The following TXNRD2 variants were observed in gnomAD, a reference collection of about 807,000 sequenced individuals.
TXNRD2 encodes thioredoxin reductase 2, mitochondrial.
Under a neutral mutation model 70.8 loss-of-function variants are expected in TXNRD2, and 67 were observed. The observed-to-expected ratio is 0.95, with a 90% CI of 0.78 to 1.16. The LOEUF (loss-of-function observed/expected upper bound fraction) is 1.16, where lower values mean the gene tolerates loss of function less well. Among genes scored for constraint, TXNRD2 ranks in the 50% most tolerant of loss-of-function variants. The pLI is 0.00. For synonymous variants in TXNRD2, 301 were observed against 295.8 expected (o/e 1.02, Z -0.18); for missense variants, 644 against 719.9 (o/e 0.89, Z 1.21).
At chr22:19,886,014 C>T (rs1439441033) in intron 11 of TXNRD2, among the ~76,000 whole-genome samples, 1 of 152,274 alleles carries the variant, frequency 6.6e-6, no homozygotes, top group Admixed American at 6.5e-5. Flanking sequence ...AATGGAGCCA[C>T]TAATGTGAAA....
At chr22:19,926,913 G>A (rs1211374882) in intron 2 of TXNRD2, among the ~76,000 whole-genome samples, 1 of 152,178 alleles carries the variant, frequency 6.6e-6, no homozygotes, top group Non-Finnish European at 1.5e-5. Context: ...ATGGGTACAG[G>A]GTATTTTGGG....
At chr22:19,909,919 T>TCA (rs140145073) in intron 8 of TXNRD2, among the ~76,000 whole-genome samples, 1 of 60,066 alleles carries the variant, frequency 1.7e-5, no homozygotes, top group Non-Finnish European at 3.3e-5. Context: ...CCCACACCCT[T>TCA]CACACACACA....
At chr22:19,937,820 A>G (rs1941582174) in intron 1 of TXNRD2, among the ~76,000 whole-genome samples, 1 of 152,248 alleles carries the variant, frequency 6.6e-6, no homozygotes, top group African/African-American at 2.4e-5. Flanking sequence ...CTTGCCACTC[A>G]GTCTGATATA....
chr22:19,932,382 C>A (rs762815536), intron 1 of TXNRD2: 1 of 1,612,660 alleles, frequency 6.2e-7, no homozygotes, highest in East Asian at 2.2e-5. Flanking sequence ...TGGCTCACTG[C>A]ACATAGTGCC....
chr22:19,889,428 C>T (rs1939170339), intron 11 of TXNRD2, among the ~76,000 whole-genome samples: 1 of 152,014 alleles, frequency 6.6e-6, no homozygotes, highest in East Asian at 1.9e-4. Flanking sequence ...CTGGCTAACA[C>T]AGTGAAACCC....
chr22:19,900,749 C>CAAAA (rs35153715), intron 8 of TXNRD2, among the ~76,000 whole-genome samples: 1 of 141,526 alleles, frequency 7.1e-6, no homozygotes. Context: ...GACTCCATCA[C>CAAAA]AAAAAAAAAA....
At chr22:19,880,502 C>CACACGCATGCCCACATCTACATGCAG in intron 13 of TXNRD2, 120 bp downstream of exon 13, 1 of 958,426 alleles carries the variant, frequency 1.0e-6, no homozygotes, top group Non-Finnish European at 1.7e-6. Context: ...TAAGCGCACA[C>CACACGCATGCCCACATCTACATGCAG]ACACGCATGC....
chr22:19,940,234 GACACTGT>G (rs1247889496), intron 1 of TXNRD2, among the ~76,000 whole-genome samples: 2 of 93,122 alleles, frequency 2.1e-5, no homozygotes, highest in Non-Finnish European at 3.7e-5. Flanking sequence ...GACAGAGCAA[GACACTGT>G]CTCAAAAAAA....
chr22:19,932,021 C>T (rs1205952037), intron 1 of TXNRD2, among the ~76,000 whole-genome samples: 1 of 151,740 alleles, frequency 6.6e-6, no homozygotes, highest in East Asian at 1.9e-4. Context: ...ATTAGCCGGG[C>T]ATGGTGGTGG....
intron 1 of TXNRD2, among the ~76,000 whole-genome samples, chr22:19,935,569 C>T (rs1941509234): frequency 6.6e-6 from 1 of 152,140 alleles, no homozygotes; most frequent in South Asian, 2.1e-4. Flanking sequence ...ATTGGCACAA[C>T]CCCTCCCCTT....
chr22:19,887,795 G>A (rs1939097206), intron 11 of TXNRD2: 1 of 152,322 alleles, frequency 6.6e-6, no homozygotes, highest in Non-Finnish European at 1.5e-5. Flanking sequence ...CCTGAAGGCA[G>A]GCCATGCCCA....
At chr22:19,882,901 G>A (rs1020829383) in intron 12 of TXNRD2, among the ~76,000 whole-genome samples, 13 of 152,234 alleles carry the variant, frequency 8.5e-5, no homozygotes, top group African/African-American at 2.7e-4. Flanking sequence ...ATACTGAGGC[G>A]GGGAGGGCGG....
intron 2 of TXNRD2, among the ~76,000 whole-genome samples, chr22:19,923,239 A>G (rs34004093): frequency 0.16 from 24,527 of 152,008 alleles, 2,354 homozygotes; most frequent in Non-Finnish European, 0.21. Context: ...ATTTAAAACT[A>G]TTTTTTTCCT....
intron 11 of TXNRD2, among the ~76,000 whole-genome samples, chr22:19,885,532 C>A (rs1938990916): frequency 6.6e-6 from 1 of 152,226 alleles, no homozygotes. Context: ...GGTCGGGGAT[C>A]AGCCCAGACA....
chr22:19,930,999 G>C, intron 2 of TXNRD2, 31 bp downstream of exon 2: 1 of 1,609,144 alleles, frequency 6.2e-7, no homozygotes, highest in Non-Finnish European at 8.5e-7. Flanking sequence ...AAAGCTTCGA[G>C]GCCTTGCCAC....
rs532340383 is a variant in TXNRD2, at chr22:19,941,736, G to T, written c.68C>A (p.Ala23Glu). 785 of 1,492,076 alleles carry T rather than the reference G, an allele frequency of 5.3e-4. 14 individuals are homozygous for T. The South Asian group carries it at 9.5e-3, about 18-fold the overall frequency. The allele number at this position is 1,492,076 out of a possible 1,614,324, so 92.4% of individuals were successfully genotyped here. A position where few individuals can be genotyped will look rare whatever the true frequency, so the allele number is the denominator to read the frequency against. Reference sequence around the variant, plus strand: ...CCGCGCCGCGCCCCGCACCCCGCCCGCCACGGCCTGCGTCCGCCACCGGAA... The same window carrying T: ...CCGCGCCGCGCCCCGCACCCCGCCCTCCACGGCCTGCGTCCGCCACCGGAA... ...GRFRWRTQAV[A>E]GGVRGAARGA... The change falls in exon 1 of 18, where the codon GCG becomes GAG. Residue 23 changes from alanine to glutamate, a missense_variant. Physicochemically the swap from Ala to Glu is moderately radical, Grantham distance 107. Around this residue, in one of 3 missense-constraint regions of TXNRD2, gnomAD observed 71 missense variants for 53.6 expected, o/e 1.33. Coordinates refer to ENST00000400521, the MANE Select transcript of TXNRD2 (RefSeq NM_006440.5).
intron 10 of TXNRD2, 82 bp from the exon 11 acceptor site, chr22:19,895,663 T>G (rs1939474557): frequency 6.6e-7 from 1 of 1,525,888 alleles, no homozygotes; most frequent in Middle Eastern, 1.7e-4. Context: ...CTCGAAGGCC[T>G]CAATGAAGGG....
intron 11 of TXNRD2, 149 bp from the exon 12 acceptor site, chr22:19,883,610 G>T: frequency 3.5e-6 from 4 of 1,133,980 alleles, no homozygotes; most frequent in Non-Finnish European, 5.2e-6. Flanking sequence ...GGACGAGGTG[G>T]GCAAATCACC....
intron 7 of TXNRD2, among the ~76,000 whole-genome samples, chr22:19,912,142 G>A (rs1054015176): frequency 1.3e-5 from 2 of 152,172 alleles, no homozygotes; most frequent in Admixed American, 6.5e-5. Flanking sequence ...GAAGAGGGGC[G>A]GCCAAGCAGG....
Sources: allele counts gnomAD v4.1 joint callset (sites outside exome capture counted in the v4.1 genomes callset), GRCh38; gene constraint gnomAD v4.1.1; regional missense constraint gnomAD v4.1.1; transcripts MANE v1.5; gene names NCBI Gene and HGNC (gene_info 2026-07-23, HGNC 2026-07-21).